MVB12B: variants seen among roughly 807,000 people sequenced by gnomAD.
MVB12B encodes ESCRT-I complex subunit MVB12B.
In MVB12B, 16 loss-of-function variants were observed where a neutral mutation model predicts 41.6. The ratio of observed to expected loss-of-function variants is 0.38; its 90% CI spans 0.26 to 0.58. The LOEUF is 0.58. MVB12B is among the 20% of genes least tolerant of loss of function. The pLI is 0.62. For missense variants in MVB12B, 274 were observed against 380.2 expected, an observed-to-expected ratio of 0.72 and a Z score of 2.32; for synonymous variants, 133 against 139.7, an observed-to-expected ratio of 0.95 and a Z score of 0.34.
At chr9:126,403,105 T>C (rs1391413882) in intron 6 of MVB12B, among the ~76,000 whole-genome samples, 1 of 152,192 alleles carries the variant, frequency 6.6e-6, no homozygotes, top group Admixed American at 6.5e-5. Context: ...CCTGTAACCT[T>C]AAAGTCTGTG....
rs1444784950 is a variant in MVB12B, at chr9:126,370,583, T to C, written c.205-10481T>C. The stretch of plus-strand genomic sequence containing the variant: ...TTTTAGTAGAGACTGGGTTTCACCG[T>C]GTTGGCCAGGCTGGTCTTGAACTCC... On this transcript the variant is annotated intron_variant, in intron 2 of 9. Coordinates refer to ENST00000361171, the MANE Select transcript of MVB12B (RefSeq NM_033446.3). Among the ~76,000 whole-genome samples, 5 of 152,024 alleles carry C rather than the reference T, an allele frequency of 3.3e-5. No individual in the cohort carries two copies. In the South Asian group the frequency reaches 8.3e-4, roughly 25 times the overall value.
Position 126,353,415 on chromosome 9 carries a change from A to G in MVB12B, c.204+12785A>G, listed in dbSNP as rs116545722. Among the ~76,000 whole-genome samples the G allele has an allele frequency of 1.3e-3, 195 of 152,254 alleles. 2 individuals are homozygous for G. The highest frequency in any genetic ancestry group is 6.8e-3 in the Middle Eastern group (2 of 294). On this transcript the variant is annotated intron_variant, in intron 2 of 9. Transcript: ENST00000361171. ...TTTTCCCACAAATCTGCAAATACCT[A>G]TTTATAGAGAGAGGCCCTATAGTTT...
At chr9:126,336,484 T>TA (rs1829279593) in intron 1 of MVB12B, among the ~76,000 whole-genome samples, 1 of 152,196 alleles carries the variant, frequency 6.6e-6, no homozygotes, top group Non-Finnish European at 1.5e-5. Flanking sequence ...TCTTTATAGT[T>TA]AAAGTTCATT....
chr9:126,503,282 C>G lies in MVB12B; in HGVS notation c.*19C>G. 6.5e-7 allele frequency: 1 copy of G among 1,545,904 alleles called. No homozygotes were observed. Among genetic ancestry groups the G allele is most frequent in the South Asian group, 1.2e-5 (1 of 83,938 alleles). ...GTCCTGAGGAGCCAGCGGCCACCTGCGGGGAGACCACCGCCGCCCAGACTA... is the reference window on the plus strand; with the variant it reads ...GTCCTGAGGAGCCAGCGGCCACCTGGGGGGAGACCACCGCCGCCCAGACTA... On this transcript the variant is annotated 3_prime_UTR_variant, in exon 10 of 10. Transcript: ENST00000361171.
intron 4 of MVB12B, among the ~76,000 whole-genome samples, chr9:126,388,192 C>G (rs1215745691): frequency 2.2e-4 from 33 of 152,230 alleles, no homozygotes. Flanking sequence ...CTCTCCAACC[C>G]TCACCTCCCC....
intron 7 of MVB12B, among the ~76,000 whole-genome samples, chr9:126,461,268 C>T (rs1400122466): frequency 1.3e-5 from 2 of 152,230 alleles, no homozygotes; most frequent in South Asian, 2.1e-4. Flanking sequence ...GTGGCTTCTA[C>T]GGGGATTGCT....
chr9:126,424,918 A>G (rs574417343), intron 7 of MVB12B, among the ~76,000 whole-genome samples: 28 of 152,252 alleles, frequency 1.8e-4, no homozygotes, highest in Non-Finnish European at 3.8e-4. Context: ...TAATACTTCA[A>G]GTCAGGGGTG....
chr9:126,468,530 C>T lies in MVB12B; in HGVS notation c.758-12839C>T, dbSNP rs778238235. Among the ~76,000 whole-genome samples the T allele has an allele frequency of 6.6e-6, 1 of 152,208 alleles. No homozygotes were observed. The highest frequency in any genetic ancestry group is 2.4e-5 in the African/African-American group (1 of 41,436). On this transcript the variant is annotated intron_variant, in intron 7 of 9. Transcript: ENST00000361171. The surrounding 1 kb of genome is among the most constrained non-coding windows in gnomAD (Gnocchi z 4.3). The stretch of plus-strand genomic sequence containing the variant: ...GGGTCACCCTTGATTCCGCCTTGCC[C>T]CTCTGCAGCCAGTGGCCAGGTCTCT...
At chr9:126,495,765 G>C (rs542200340) in intron 9 of MVB12B, among the ~76,000 whole-genome samples, 28 of 152,282 alleles carry the variant, frequency 1.8e-4, no homozygotes, top group Non-Finnish European at 3.2e-4. Flanking sequence ...ATAACATCTA[G>C]ATAAATATTG....
chr9:126,401,438 C>T (rs1253326318), intron 6 of MVB12B, among the ~76,000 whole-genome samples: 1 of 152,228 alleles, frequency 6.6e-6, no homozygotes, highest in Non-Finnish European at 1.5e-5. Context: ...CAATCTGTGA[C>T]AGATACTCTG....
chr9:126,351,849 A>G (rs1000714853), intron 2 of MVB12B, among the ~76,000 whole-genome samples: 4 of 152,158 alleles, frequency 2.6e-5, no homozygotes, highest in African/African-American at 9.7e-5. Context: ...CTGTTTATCA[A>G]GTTGAGGGAG....
intron 2 of MVB12B, among the ~76,000 whole-genome samples, chr9:126,343,360 G>T (rs1438838370): frequency 1.3e-5 from 2 of 152,204 alleles, no homozygotes; most frequent in Non-Finnish European, 2.9e-5. Context: ...GTGACTATAT[G>T]TCATAGATGA....
rs1399130082 is a variant in MVB12B, at chr9:126,468,129, C to G, written c.758-13240C>G. Among the ~76,000 whole-genome samples the G allele has an allele frequency of 6.6e-6, 1 of 152,078 alleles. No individual in the cohort carries two copies. The highest frequency in any genetic ancestry group is 2.4e-5 in the African/African-American group (1 of 41,440). On this transcript the variant is annotated intron_variant, in intron 7 of 9. Coordinates refer to ENST00000361171, the MANE Select transcript of MVB12B (RefSeq NM_033446.3). The surrounding 1 kb of genome is among the most constrained non-coding windows in gnomAD (Gnocchi z 4.3). ...CATTCTGATCTTCCCATTGTTTTTG[C>G]CAGCTTGGAACGTTAACATTCCTCA...
rs12340822 is a variant in MVB12B at position 126,445,399 on chromosome 9, C to T, written c.757+23451C>T. 3.2e-3 allele frequency among the ~76,000 whole-genome samples: 491 copies of T among 152,210 alleles called. 4 individuals are homozygous for T. The highest frequency in any genetic ancestry group is 0.011 in the African/African-American group (468 of 41,530). ...TCGGCTCACTGCAACCTCCGCCTCC[C>T]GGGTTCAAGCAATTCTGCCTCAGCC... On this transcript the variant is annotated intron_variant, in intron 7 of 9. Transcript: ENST00000361171.
chr9:126,483,902 C>T lies in MVB12B; in HGVS notation c.814-71C>T, dbSNP rs950345707. 6.0e-6 allele frequency: 9 copies of T among 1,505,868 alleles called. No homozygotes were observed. The Admixed American group carries it at 1.3e-4, about 23-fold the overall frequency. The allele number at this position is 1,505,868 out of a possible 1,614,324, so 93.3% of individuals were successfully genotyped here. A position where few individuals can be genotyped will look rare whatever the true frequency, so the allele number is the denominator to read the frequency against. On this transcript the variant is annotated intron_variant, in intron 8 of 9. Transcript: ENST00000361171. ...CCGTGGCTTGAGGTGTTACCATTGT[C>T]ATGCATAAAAGTAAGTGTGGGAGGA... is the stretch of plus-strand genomic sequence containing the variant.
chr9:126,460,829 C>T (rs1833073191), intron 7 of MVB12B, among the ~76,000 whole-genome samples: 1 of 152,114 alleles, frequency 6.6e-6, no homozygotes, highest in Non-Finnish European at 1.5e-5. Flanking sequence ...TGCTCTTTGC[C>T]TGAGTGGCCT....
At chr9:126,394,763 T>C (rs1831057750) in intron 5 of MVB12B, among the ~76,000 whole-genome samples, 1 of 152,188 alleles carries the variant, frequency 6.6e-6, no homozygotes, top group African/African-American at 2.4e-5. Flanking sequence ...GAGAAGCTTA[T>C]TAGGGGTTCC....
chr9:126,370,581 C>T (rs988158709), intron 2 of MVB12B, among the ~76,000 whole-genome samples: 6 of 152,056 alleles, frequency 3.9e-5, no homozygotes, highest in East Asian at 1.9e-4. Context: ...TGGGTTTCAC[C>T]GTGTTGGCCA....
At chr9:126,358,640 G>C (rs1829947396) in intron 2 of MVB12B, among the ~76,000 whole-genome samples, 1 of 152,090 alleles carries the variant, frequency 6.6e-6, no homozygotes, top group Admixed American at 6.5e-5. Flanking sequence ...AGATTGACTT[G>C]GTATTCTGCA....
Sources: gnomAD v4.1 joint callset for allele counts (sites outside exome capture counted in the v4.1 genomes callset) on GRCh38, gnomAD v4.1.1 for gene constraint, Gnocchi (gnomAD v3.1) non-coding constraint, MANE v1.5 for transcripts, NCBI Gene and HGNC (gene_info 2026-07-23, HGNC 2026-07-21) for gene names.